EPHX4: variants seen among roughly 807,000 people sequenced by gnomAD.
EPHX4 encodes epoxide hydrolase 4.
EPHX4 carries 31 observed loss-of-function variants against 44.9 expected under a neutral mutation model. The ratio of observed to expected loss-of-function variants is 0.69; its 90% CI spans 0.52 to 0.93. EPHX4 has a LOEUF of 0.93. Ranked by LOEUF, EPHX4 falls within the 40% of genes least tolerant of loss-of-function variation. EPHX4 has a pLI of 0.00. For synonymous variants in EPHX4, 151 were observed against 159.7 expected (o/e 0.95, Z 0.41); for missense variants, 373 against 438.1 (o/e 0.85, Z 1.33).
intron 2 of EPHX4, among the ~76,000 whole-genome samples, chr1:92,034,995 G>C (rs939307996): frequency 3.8e-4 from 58 of 152,148 alleles, no homozygotes; most frequent in African/African-American, 1.3e-3. Flanking sequence ...TAAATGTATT[G>C]AGGATGTTAG....
At chr1:92,054,160 A>T (rs1367165345) in intron 6 of EPHX4, among the ~76,000 whole-genome samples, 1 of 152,176 alleles carries the variant, frequency 6.6e-6, no homozygotes, top group Non-Finnish European at 1.5e-5. Flanking sequence ...GGCAGAAATT[A>T]TGTGTTAACA....
intron 4 of EPHX4, among the ~76,000 whole-genome samples, chr1:92,046,924 T>C (rs1313025787): frequency 1.3e-5 from 2 of 152,208 alleles, no homozygotes; most frequent in African/African-American, 2.4e-5. Context: ...GTTCACTGAT[T>C]TATGCAGATC....
intron 2 of EPHX4, among the ~76,000 whole-genome samples, chr1:92,040,363 A>G (rs1216284848): frequency 9.1e-6 from 1 of 110,362 alleles, no homozygotes; most frequent in Non-Finnish European, 1.9e-5. Context: ...TTTTTTTTTG[A>G]GATGGAGTTT....
intron 1 of EPHX4, among the ~76,000 whole-genome samples, chr1:92,030,603 C>T (rs1455583136): frequency 6.6e-6 from 1 of 152,030 alleles, no homozygotes; most frequent in Non-Finnish European, 1.5e-5. Context: ...TACTGCCCCC[C>T]GGCGCCACAA....
intron 2 of EPHX4, among the ~76,000 whole-genome samples, chr1:92,036,973 A>C (rs1688446949): frequency 6.6e-6 from 1 of 152,228 alleles, no homozygotes; most frequent in Admixed American, 6.5e-5. Context: ...CAGGAAAAAA[A>C]AAAGGTCTTA....
intron 6 of EPHX4, among the ~76,000 whole-genome samples, chr1:92,055,381 T>C (rs1249224124): frequency 6.6e-6 from 1 of 152,138 alleles, no homozygotes; most frequent in Non-Finnish European, 1.5e-5. Flanking sequence ...TAAAACAAAA[T>C]CTTTCAAACT....
chr1:92,061,164 C>T (rs1027222411), intron 6 of EPHX4, among the ~76,000 whole-genome samples: 6 of 152,028 alleles, frequency 3.9e-5, no homozygotes, highest in East Asian at 3.9e-4. Flanking sequence ...TGTGAGCCAC[C>T]GTGCCCGGCT....
chr1:92,052,724 ATTTTT>A (rs1327841922), intron 6 of EPHX4, 66 bp downstream of exon 6: 9 of 1,385,720 alleles, frequency 6.5e-6, no homozygotes, highest in Admixed American at 2.9e-5. Context: ...ACAATATTTT[ATTTTT>A]AAGGTTAAGT....
At chr1:92,041,131 A>G (rs1245666850) in intron 2 of EPHX4, among the ~76,000 whole-genome samples, 1 of 152,062 alleles carries the variant, frequency 6.6e-6, no homozygotes, top group Non-Finnish European at 1.5e-5. Context: ...TTAATTCTGC[A>G]GTTCCATGAT....
chr1:92,052,686 A>T, intron 6 of EPHX4, 28 bp downstream of exon 6: 2 of 1,551,458 alleles, frequency 1.3e-6, no homozygotes, highest in Non-Finnish European at 1.7e-6. Context: ...TTAGTTAAAT[A>T]AAAATATTTC....
intron 2 of EPHX4, among the ~76,000 whole-genome samples, chr1:92,036,802 C>G (rs1020018378): frequency 1.1e-4 from 17 of 152,164 alleles, no homozygotes; most frequent in African/African-American, 4.1e-4. Flanking sequence ...TCTGAAAATA[C>G]TACATGGAGA....
chr1:92,037,670 G>A (rs1347009971), intron 2 of EPHX4, among the ~76,000 whole-genome samples: 1 of 152,302 alleles, frequency 6.6e-6, no homozygotes, highest in South Asian at 2.1e-4. Context: ...GCATTTCTCT[G>A]TGGTAAAGAG....
chr1:92,060,828 G>C (rs1052819488), intron 6 of EPHX4, among the ~76,000 whole-genome samples: 7 of 151,780 alleles, frequency 4.6e-5, no homozygotes, highest in Non-Finnish European at 8.8e-5. Context: ...GTTAGAAAAT[G>C]GTTTGGTTTT....
intron 3 of EPHX4, chr1:92,043,637 T>C (rs902754778): frequency 2.0e-5 from 3 of 152,322 alleles, no homozygotes; most frequent in South Asian, 4.1e-4. Context: ...AACCACATAA[T>C]ATTGTGGAAC....
Position 92,030,210 on chromosome 1 carries a change from G to GC in EPHX4, c.132dup (p.Lys45GlnfsTer73). 6.2e-7 allele frequency: 1 copy of GC among 1,606,898 alleles called. No individual in the cohort carries two copies. On this transcript the variant is annotated frameshift_variant, in exon 1 of 7. Coordinates refer to ENST00000370383, the MANE Select transcript of EPHX4 (RefSeq NM_173567.5). LOFTEE classifies it high-confidence loss of function. ...CTGCTCAAACTTTTGTGGAGCCTCG[G>GC]CAAGGGGCCGGCGCAGACCTTCCGG...
chr1:92,030,338 G>A, intron 1 of EPHX4, 28 bp downstream of exon 1: 2 of 1,470,628 alleles, frequency 1.4e-6, no homozygotes, highest in Non-Finnish European at 1.8e-6. Context: ...CCTGGCGGGA[G>A]CGGGAGGGAG....
chr1:92,044,466 A>G (rs1688555111), intron 3 of EPHX4, among the ~76,000 whole-genome samples: 2 of 152,194 alleles, frequency 1.3e-5, no homozygotes, highest in African/African-American at 4.8e-5. Flanking sequence ...ACTTCCTTGA[A>G]AGAATTAAGC....
At chr1:92,059,696 C>T (rs1357357094) in intron 6 of EPHX4, among the ~76,000 whole-genome samples, 1 of 151,976 alleles carries the variant, frequency 6.6e-6, no homozygotes, top group Non-Finnish European at 1.5e-5. Flanking sequence ...AATTATAAAA[C>T]ATTTATTTAT....
intron 6 of EPHX4, among the ~76,000 whole-genome samples, chr1:92,061,373 TA>T (rs1326958613): frequency 2.0e-5 from 3 of 152,210 alleles, no homozygotes; most frequent in African/African-American, 7.2e-5. Flanking sequence ...CAGGCTTTTT[TA>T]TTCACTAGTA....
Sources: allele counts gnomAD v4.1 joint callset (sites outside exome capture counted in the v4.1 genomes callset), GRCh38; gene constraint gnomAD v4.1.1; transcripts MANE v1.5; gene names NCBI Gene and HGNC (gene_info 2026-07-23, HGNC 2026-07-21).